The following SYCP1 variants were observed in gnomAD, a reference collection of about 807,000 sequenced individuals.
The protein encoded by SYCP1 is synaptonemal complex protein 1.
A neutral mutation model predicts 153.1 loss-of-function variants in SYCP1; 64 were observed. The observed-to-expected ratio is 0.42, with a 90% CI of 0.34 to 0.51. SYCP1 has a LOEUF of 0.51. SYCP1 is among the 20% of genes least tolerant of loss of function. SYCP1 has a pLI of 0.06. For synonymous variants in SYCP1, 384 were observed against 341.8 expected (o/e 1.12, Z -1.36); for missense variants, 997 against 1,049.0 (o/e 0.95, Z 0.68).
chr1:114,934,020 A>T (rs1256570988), intron 23 of SYCP1, among the ~76,000 whole-genome samples: 1 of 152,216 alleles, frequency 6.6e-6, no homozygotes, highest in Non-Finnish European at 1.5e-5. Context: ...TCCCCAACCT[A>T]GCAAGGCAGG....
intron 16 of SYCP1, among the ~76,000 whole-genome samples, chr1:114,900,411 G>A (rs28773826): frequency 6.6e-6 from 1 of 151,974 alleles, no homozygotes; most frequent in African/African-American, 2.4e-5. Context: ...CTCCTGAGTA[G>A]CTGGGATTAT....
At chr1:114,859,442 A>C (rs1664233926) in intron 6 of SYCP1, among the ~76,000 whole-genome samples, 1 of 152,246 alleles carries the variant, frequency 6.6e-6, no homozygotes, top group African/African-American at 2.4e-5. Context: ...AGAAAATGTG[A>C]CATTGTATTA....
chr1:114,988,880 G>T (rs1673717555), intron 30 of SYCP1, among the ~76,000 whole-genome samples: 1 of 151,904 alleles, frequency 6.6e-6, no homozygotes, highest in Non-Finnish European at 1.5e-5. Flanking sequence ...TGTAGTTTGT[G>T]ACATCAATAA....
At chr1:114,950,938 C>T (rs1267997215) in intron 27 of SYCP1, among the ~76,000 whole-genome samples, 5 of 151,976 alleles carry the variant, frequency 3.3e-5, no homozygotes, top group Non-Finnish European at 7.4e-5. Flanking sequence ...CATTCTCCTG[C>T]CTCAGCCTCC....
At chr1:114,897,219 T>A (rs1389407937) in intron 16 of SYCP1, among the ~76,000 whole-genome samples, 1 of 152,110 alleles carries the variant, frequency 6.6e-6, no homozygotes, top group Non-Finnish European at 1.5e-5. Flanking sequence ...GAGGTGCTGT[T>A]TTGGGAAAAC....
intron 12 of SYCP1, among the ~76,000 whole-genome samples, chr1:114,884,154 ACT>A (rs1413033529): frequency 2.0e-5 from 3 of 152,110 alleles, no homozygotes; most frequent in African/African-American, 7.2e-5. Context: ...GAACCAGAAG[ACT>A]CTGAGCAAGT....
intron 18 of SYCP1, among the ~76,000 whole-genome samples, chr1:114,912,423 A>G (rs1668240934): frequency 6.6e-6 from 1 of 152,016 alleles, no homozygotes; most frequent in Non-Finnish European, 1.5e-5. Flanking sequence ...CACTCTGTAG[A>G]GCCACATACT....
chr1:114,936,825 A>C (rs2101788469), intron 23 of SYCP1, among the ~76,000 whole-genome samples: 1 of 152,340 alleles, frequency 6.6e-6, no homozygotes, highest in South Asian at 2.1e-4. Flanking sequence ...ATACCTAGGA[A>C]TCCAACTTAC....
chr1:114,856,644 A>G lies in SYCP1; in HGVS notation c.180A>G (p.Glu60=). Residue 60 remains glutamate (E), a synonymous_variant, in exon 3 of 32, where the codon GAA becomes GAG. Transcript: ENST00000369522. ...AGACTAATCTCTCCAAAAATGGGGA[A>G]AACATTGATTCAGGTAGGAGCATGG... ...FAKTNLSKNG[E]NIDSDPALQK... 1.2e-6 allele frequency: 2 copies of G among 1,611,784 alleles called. No homozygotes were observed. The highest frequency in any genetic ancestry group is 1.7e-6 in the Non-Finnish European group (2 of 1,178,924).
At chr1:114,992,677 A>C (rs2101989998) in intron 30 of SYCP1, among the ~76,000 whole-genome samples, 1 of 151,794 alleles carries the variant, frequency 6.6e-6, no homozygotes, top group East Asian at 1.9e-4. Context: ...TAAAACTATA[A>C]AACTATAGAC....
At position 114,857,293 on chromosome 1, in the gene SYCP1, C is replaced by T. The variant is rs1447437287; in HGVS notation, c.237+18C>T. 6.3e-7 allele frequency: 1 copy of T among 1,597,950 alleles called. No homozygotes were observed. Among genetic ancestry groups the T allele is most frequent in the Non-Finnish European group, 8.5e-7 (1 of 1,173,398 alleles). ...TTGAGCAGGTCAGTTAAGCATAGTA[C>T]ATGTAGATATAATCTGTTTAGGTAA... On this transcript the variant is annotated intron_variant, in intron 4 of 31. Coordinates refer to ENST00000369522, the MANE Select transcript of SYCP1 (RefSeq NM_003176.4).
chr1:114,986,212 A>AT (rs1025399316), intron 30 of SYCP1, among the ~76,000 whole-genome samples: 1 of 151,952 alleles, frequency 6.6e-6, no homozygotes, highest in Non-Finnish European at 1.5e-5. Flanking sequence ...ACACAAGTAT[A>AT]TTTTTCAAGA....
intron 16 of SYCP1, among the ~76,000 whole-genome samples, chr1:114,900,863 A>G (rs891674013): frequency 3.9e-5 from 6 of 152,234 alleles, no homozygotes; most frequent in Non-Finnish European, 1.5e-5. Context: ...AACACTTAAC[A>G]AACCTTGCAT....
chr1:114,855,657 A>G (rs1570635726), intron 2 of SYCP1, 85 bp downstream of exon 2: 1 of 1,102,792 alleles, frequency 9.1e-7, no homozygotes, highest in Non-Finnish European at 1.3e-6. Context: ...GTGGTGTTTT[A>G]TAATTATTTC....
chr1:114,966,437 A>G (rs1295421080), intron 27 of SYCP1, among the ~76,000 whole-genome samples: 1 of 151,954 alleles, frequency 6.6e-6, no homozygotes, highest in Admixed American at 6.5e-5. Context: ...TTGTGATGTT[A>G]GGGTATTGGT....
At chr1:114,985,927 A>G (rs1673471616) in intron 30 of SYCP1, among the ~76,000 whole-genome samples, 1 of 150,922 alleles carries the variant, frequency 6.6e-6, no homozygotes, top group Non-Finnish European at 1.5e-5. Flanking sequence ...AAAAAAAAAT[A>G]AATAACAATT....
chr1:114,944,720 G>A (rs1447540676), intron 24 of SYCP1, 152 bp from the exon 25 acceptor site: 4 of 660,916 alleles, frequency 6.1e-6, no homozygotes, highest in Non-Finnish European at 5.1e-6. Context: ...AAAACACCCC[G>A]AAAAAACCCC....
At chr1:114,953,013 G>A (rs1671205163) in intron 27 of SYCP1, among the ~76,000 whole-genome samples, 1 of 152,208 alleles carries the variant, frequency 6.6e-6, no homozygotes, top group South Asian at 2.1e-4. Flanking sequence ...ATCCTCCAGA[G>A]AGAGAAATGA....
intron 30 of SYCP1, among the ~76,000 whole-genome samples, chr1:114,985,585 A>G (rs766927860): frequency 5.3e-5 from 8 of 151,980 alleles, no homozygotes; most frequent in Non-Finnish European, 1.0e-4. Context: ...ATTCCCACTT[A>G]TAACTAGAAG....
Sources: gnomAD v4.1 joint callset for allele counts (sites outside exome capture counted in the v4.1 genomes callset) on GRCh38, gnomAD v4.1.1 for gene constraint, MANE v1.5 for transcripts, NCBI Gene and HGNC (gene_info 2026-07-23, HGNC 2026-07-21) for gene names.